Variants in BMERB1 observed in about 807,000 individuals in gnomAD.
BMERB1 encodes bMERB domain containing 1.
A neutral mutation model predicts 23.6 loss-of-function variants in BMERB1; 12 were observed. That is an observed-to-expected ratio of 0.51 (90% confidence interval 0.33 to 0.82). The LOEUF is 0.82. BMERB1 is among the 40% of genes least tolerant of loss of function. The pLI, the probability that BMERB1 is intolerant of heterozygous loss-of-function variation, is 0.03. For synonymous variants in BMERB1, 122 were observed against 96.6 expected (o/e 1.26, Z -1.54); for missense variants, 247 against 255.4 (o/e 0.97, Z 0.22).
chr16:15,518,188 G>A (rs1281060531), intron 2 of BMERB1, among the ~76,000 whole-genome samples: 2 of 152,128 alleles, frequency 1.3e-5, no homozygotes, highest in Admixed American at 6.6e-5. Flanking sequence ...TCCTCATCTA[G>A]CCCATGAATC....
chr16:15,506,459 A>C (rs1252964808), intron 1 of BMERB1, among the ~76,000 whole-genome samples: 1 of 152,198 alleles, frequency 6.6e-6, no homozygotes, highest in East Asian at 1.9e-4. Flanking sequence ...GGCGTGAGCC[A>C]CTGTGCCCAG....
chr16:15,548,399 ATACTT>A (rs1410928872), intron 2 of BMERB1, among the ~76,000 whole-genome samples: 2 of 152,216 alleles, frequency 1.3e-5, no homozygotes, highest in Non-Finnish European at 2.9e-5. Flanking sequence ...CGTTGAATGA[ATACTT>A]TAGAGTGTTG....
At chr16:15,465,109 C>T (rs558059134) in intron 1 of BMERB1, among the ~76,000 whole-genome samples, 2 of 151,740 alleles carry the variant, frequency 1.3e-5, no homozygotes, top group East Asian at 1.9e-4. Context: ...TTGCACAGAA[C>T]CACACACACA....
chr16:15,562,126 G>C (rs1598522078), intron 2 of BMERB1, among the ~76,000 whole-genome samples: 1 of 151,414 alleles, frequency 6.6e-6, no homozygotes, highest in African/African-American at 2.4e-5. Flanking sequence ...TGATCAACAT[G>C]GTGAAATCTC....
chr16:15,528,765 C>T (rs758416579), intron 2 of BMERB1, among the ~76,000 whole-genome samples: 1 of 151,998 alleles, frequency 6.6e-6, no homozygotes, highest in Non-Finnish European at 1.5e-5. Flanking sequence ...ATACATATGT[C>T]GACATCTAAT....
intron 4 of BMERB1, among the ~76,000 whole-genome samples, chr16:15,582,144 TC>T (rs759447065): frequency 6.6e-6 from 1 of 152,196 alleles, no homozygotes; most frequent in African/African-American, 2.4e-5. Flanking sequence ...ACGCCTGTAA[TC>T]CCAGCGCTTC....
intron 1 of BMERB1, among the ~76,000 whole-genome samples, chr16:15,481,891 A>G (rs780406372): frequency 1.6e-4 from 24 of 150,808 alleles, no homozygotes; most frequent in Non-Finnish European, 3.5e-4. Context: ...TGCCCGGCAA[A>G]TTTTTGTATT....
chr16:15,499,020 A>G (rs2051501619), intron 1 of BMERB1, among the ~76,000 whole-genome samples: 1 of 152,234 alleles, frequency 6.6e-6, no homozygotes, highest in South Asian at 2.1e-4. Context: ...ATGTTCTCAG[A>G]TTACACTTCC....
At position 15,434,700 on chromosome 16, in the gene BMERB1, C is replaced by T. The variant is rs750424491; in HGVS notation, c.47C>T (p.Pro16Leu). 3 of 1,613,548 alleles carry T rather than the reference C, an allele frequency of 1.9e-6. No individual in the cohort carries two copies. The highest frequency in any genetic ancestry group is 2.5e-6 in the Non-Finnish European group (3 of 1,179,874). ...SLSTHLEAEK[P>L]LRRYGAVEET... ...TCCACCCATCTGGAAGCCGAGAAGC[C>T]TCTGAGGCGCTATGGGGCGGTGGAG... Residue 16 changes from proline to leucine, a missense_variant, in exon 1 of 6, where the codon CCT becomes CTT. Coordinates refer to ENST00000300006, the MANE Select transcript of BMERB1 (RefSeq NM_033201.3).
At chr16:15,556,650 A>G (rs910717716) in intron 2 of BMERB1, among the ~76,000 whole-genome samples, 6 of 152,066 alleles carry the variant, frequency 3.9e-5, no homozygotes, top group Non-Finnish European at 7.4e-5. Flanking sequence ...CAGTGGTGCA[A>G]TCTCGGCTCA....
At chr16:15,503,292 T>C (rs948730033) in intron 1 of BMERB1, among the ~76,000 whole-genome samples, 40 of 152,264 alleles carry the variant, frequency 2.6e-4, no homozygotes, top group Middle Eastern at 3.4e-3. Context: ...AAGGATTTTT[T>C]TTTTTTTGAG....
chr16:15,478,931 A>T (rs921322385), intron 1 of BMERB1, among the ~76,000 whole-genome samples: 7 of 152,172 alleles, frequency 4.6e-5, no homozygotes, highest in Admixed American at 3.9e-4. Flanking sequence ...TCTGAAGCAC[A>T]ATGGTTGTCT....
In BMERB1 at chr16:15,587,279, G is replaced by A; in HGVS notation, c.*450G>A. On this transcript the variant is annotated 3_prime_UTR_variant, in exon 6 of 6. Transcript: ENST00000300006. ...GCTCTGCTCTCAGAGCTAGGCACAT[G>A]GGCACAGGTCCCCTCCCGTCTGTCC... is the stretch of plus-strand genomic sequence containing the variant. 2 of 226,710 alleles carry A rather than the reference G, an allele frequency of 8.8e-6. No individual in the cohort carries two copies. Among genetic ancestry groups the A allele is most frequent in the Non-Finnish European group, 9.2e-6 (1 of 108,996 alleles). 14.0% of individuals were successfully genotyped at this position (226,710 alleles called of 1,614,324 possible).
At chr16:15,448,399 AT>A (rs2051009838) in intron 1 of BMERB1, among the ~76,000 whole-genome samples, 1 of 152,178 alleles carries the variant, frequency 6.6e-6, no homozygotes, top group Non-Finnish European at 1.5e-5. Context: ...GGAGAAACCC[AT>A]AGTAGTTATT....
At chr16:15,568,357 G>C (rs947169350) in intron 3 of BMERB1, among the ~76,000 whole-genome samples, 3 of 152,206 alleles carry the variant, frequency 2.0e-5, no homozygotes, top group Admixed American at 1.3e-4. Flanking sequence ...TCCTAAAGAG[G>C]CTGGGCACGG....
intron 3 of BMERB1, among the ~76,000 whole-genome samples, chr16:15,577,516 G>T (rs1258081263): frequency 6.6e-6 from 1 of 152,206 alleles, no homozygotes; most frequent in Non-Finnish European, 1.5e-5. Context: ...AGGAGCAAAA[G>T]TTTATTAACA....
intron 1 of BMERB1, among the ~76,000 whole-genome samples, chr16:15,456,047 G>A (rs2051084918): frequency 6.6e-6 from 1 of 152,072 alleles, no homozygotes; most frequent in South Asian, 2.1e-4. Flanking sequence ...CTGTCAGTAC[G>A]CTTTTAAAAA....
intron 2 of BMERB1, among the ~76,000 whole-genome samples, chr16:15,563,517 C>T (rs1038340364): frequency 6.6e-6 from 1 of 151,812 alleles, no homozygotes; most frequent in Non-Finnish European, 1.5e-5. Flanking sequence ...CCGTGCCCAG[C>T]CAGAAAAAAA....
chr16:15,453,637 C>T (rs1003784610), intron 1 of BMERB1, among the ~76,000 whole-genome samples: 5 of 151,744 alleles, frequency 3.3e-5, no homozygotes, highest in Admixed American at 6.6e-5. Flanking sequence ...TTTGGGAGGC[C>T]GAGGCGGGCA....
Sources: allele counts gnomAD v4.1 joint callset (sites outside exome capture counted in the v4.1 genomes callset), GRCh38; gene constraint gnomAD v4.1.1; transcripts MANE v1.5; gene names NCBI Gene and HGNC (gene_info 2026-07-23, HGNC 2026-07-21).